Variants in PTPN23 observed in about 807,000 individuals in gnomAD.
PTPN23 encodes protein tyrosine phosphatase non-receptor type 23.
A neutral mutation model predicts 156.3 loss-of-function variants in PTPN23; 72 were observed. The ratio of observed to expected loss-of-function variants is 0.46; its 90% confidence interval spans 0.38 to 0.56. The LOEUF (loss-of-function observed/expected upper bound fraction) is 0.56. Ranked by LOEUF, PTPN23 falls within the 20% of genes least tolerant of loss-of-function variation. The pLI is 0.00. For missense variants in PTPN23, 1,974 were observed against 2,171.5 expected (o/e 0.91, Z 1.81); for synonymous variants, 957 against 899.6 (o/e 1.06, Z -1.14).
chr3:47,408,833 TGGA>T lies in PTPN23; in HGVS notation c.1395_1397del (p.Glu465del). On this transcript the variant is annotated inframe_deletion, in exon 16 of 25. Coordinates refer to ENST00000265562, the MANE Select transcript of PTPN23 (RefSeq NM_015466.4). ...TCCCTGAAGGACATCAGAGATCTGT[TGGA>T]GGAGGATGAGCTGCTAGAGCAGAAG... is the stretch of plus-strand genomic sequence containing the variant. The T allele has an allele frequency of 6.2e-7, 1 of 1,613,718 alleles. No individual in the cohort carries two copies. The highest frequency in any genetic ancestry group is 8.5e-7 in the Non-Finnish European group (1 of 1,179,746).
chr3:47,393,939 G>A (rs1357277829), intron 1 of PTPN23, among the ~76,000 whole-genome samples: 1 of 150,290 alleles, frequency 6.7e-6, no homozygotes, highest in Non-Finnish European at 1.5e-5. Flanking sequence ...GTAGAGATAG[G>A]GTCTCATGTT....
At chr3:47,390,182 C>A (rs1167552363) in intron 1 of PTPN23, among the ~76,000 whole-genome samples, 1 of 152,112 alleles carries the variant, frequency 6.6e-6, no homozygotes, top group Non-Finnish European at 1.5e-5. Context: ...CTTCATTGAG[C>A]TATGATAGTA....
Position 47,406,275 on chromosome 3 carries a change from A to G in PTPN23, c.547-50A>G. ...CTGGGGAAGGATAAAGGGAAGGGGA[A>G]GCGGGAGGCCTTGGGTGAGCGAGGG... On this transcript the variant is annotated intron_variant, in intron 6 of 24. Coordinates refer to ENST00000265562, the MANE Select transcript of PTPN23 (RefSeq NM_015466.4). The surrounding 1 kb of genome is among the most constrained non-coding windows in gnomAD (Gnocchi z 5.8). 4 of 1,598,898 alleles carry G rather than the reference A, an allele frequency of 2.5e-6. No individual in the cohort carries two copies. The highest frequency in any genetic ancestry group is 3.4e-6 in the Non-Finnish European group (4 of 1,168,844).
rs1246783300 is a variant in PTPN23, at chr3:47,381,196, A to G, written c.84+16A>G. The G allele has an allele frequency of 5.1e-6, 8 of 1,570,112 alleles. No individual in the cohort carries two copies. The highest frequency in any genetic ancestry group is 1.4e-5 in the African/African-American group (1 of 73,568). On this transcript the variant is annotated intron_variant, in intron 1 of 24. Transcript: ENST00000265562. ...TGTGAAGAAGGTGAGCTTGCCTTCC[A>G]TCTTCCCCCCTATCCGCCGCGTATC...
intron 1 of PTPN23, 142 bp downstream of exon 1, chr3:47,381,322 C>T (rs1187002939): frequency 6.5e-6 from 8 of 1,221,918 alleles, no homozygotes; most frequent in Admixed American, 2.3e-5. Context: ...CGCCGGTTTT[C>T]CTCAGCCTGT....
chr3:47,409,473 GA>G lies in PTPN23; in HGVS notation c.1856del (p.Asn619ThrfsTer12). On this transcript the variant is annotated frameshift_variant, in exon 18 of 25. Coordinates refer to ENST00000265562, the MANE Select transcript of PTPN23 (RefSeq NM_015466.4). LOFTEE classifies it high-confidence loss of function. ...ACCAGCTGAAGGTGTACCTGGAGCA[GA>G]ACCTGGCCGCCCAGGACCGTGTCCT... Reference protein sequence around the residue: ...YDQLKVYLEQNLAAQDRVLCA... With the variant: ...YDQLKVYLEQXLAAQDRVLCA... 6.2e-7 allele frequency: 1 copy of G among 1,614,186 alleles called. No homozygotes were observed. The highest frequency in any genetic ancestry group is 8.5e-7 in the Non-Finnish European group (1 of 1,180,028).
intron 2 of PTPN23, among the ~76,000 whole-genome samples, chr3:47,401,761 T>C (rs1476664335): frequency 6.6e-6 from 1 of 152,196 alleles, no homozygotes; most frequent in Non-Finnish European, 1.5e-5. Context: ...AGCTGTGACA[T>C]GCCTTATCCT....
rs199854875 is a variant in PTPN23, at chr3:47,410,856, C to T, written c.3058C>T (p.Pro1020Ser). Reference protein sequence around the residue: ...PPPPLHTQLYPGPAQDPLPAH... With the variant: ...PPPPLHTQLYSGPAQDPLPAH... ...ACCCCCCCTACACACCCAGCTCTAC[C>T]CAGGTCCCGCTCAAGACCCTCTGCC... is the stretch of plus-strand genomic sequence containing the variant. Residue 1020 changes from proline (P) to serine (S), a missense_variant, in exon 20 of 25, where the codon CCA becomes TCA. Coordinates refer to ENST00000265562, the MANE Select transcript of PTPN23 (RefSeq NM_015466.4). The T allele has an allele frequency of 4.8e-5, 77 of 1,609,216 alleles. No homozygotes were observed. The highest frequency in any genetic ancestry group is 3.3e-4 in the Middle Eastern group (2 of 6,082).
intron 1 of PTPN23, among the ~76,000 whole-genome samples, chr3:47,386,290 C>T (rs1443948723): frequency 3.3e-5 from 5 of 152,068 alleles, no homozygotes; most frequent in East Asian, 3.9e-4. Context: ...CTCAGCCTCC[C>T]GAGTAGCTGG....
intron 2 of PTPN23, among the ~76,000 whole-genome samples, chr3:47,397,330 C>T (rs1704899861): frequency 6.6e-6 from 1 of 152,166 alleles, no homozygotes; most frequent in African/African-American, 2.4e-5. Context: ...GCAGAATTGT[C>T]ACAAACCTTC....
At chr3:47,408,741 G>A (rs1442179455) in intron 15 of PTPN23, 35 bp from the exon 16 acceptor site, 4 of 1,553,080 alleles carry the variant, frequency 2.6e-6, no homozygotes, top group South Asian at 2.5e-5. Flanking sequence ...CGGTCAGCCT[G>A]CCTCAGGGGC....
At chr3:47,395,079 C>T (rs1369532419) in intron 1 of PTPN23, among the ~76,000 whole-genome samples, 1 of 152,206 alleles carries the variant, frequency 6.6e-6, no homozygotes, top group African/African-American at 2.4e-5. Flanking sequence ...TCTCCCTTTG[C>T]TCACCAGGCA....
chr3:47,400,702 TA>T (rs1367611642), intron 2 of PTPN23, among the ~76,000 whole-genome samples: 1 of 151,828 alleles, frequency 6.6e-6, no homozygotes, highest in Non-Finnish European at 1.5e-5. Flanking sequence ...GCCTCCCGAG[TA>T]GCTGGGATTA....
rs200808850 is a variant in PTPN23, at chr3:47,409,025, G to A, written c.1580G>A (p.Arg527His). 3.5e-4 allele frequency: 571 copies of A among 1,613,896 alleles called. No individual in the cohort carries two copies. The highest frequency in any genetic ancestry group is 4.6e-4 in the Non-Finnish European group (539 of 1,180,034). The change falls in exon 16 of 25, where the codon CGC (arginine) becomes CAC (histidine). Residue 527 changes from arginine to histidine, a missense_variant. Transcript: ENST00000265562. ...ATGAACCTGCACGTCGGCAACCTGC[G>A]CCTGCTCAGCGGGCCGCTTGACCAG... Reference protein sequence around the residue: ...RAMNLHVGNLRLLSGPLDQVR... With the variant: ...RAMNLHVGNLHLLSGPLDQVR...
chr3:47,410,391 C>T lies in PTPN23; in HGVS notation c.2593C>T (p.Pro865Ser). The change falls in exon 20 of 25, where the codon CCT becomes TCT. Residue 865 changes from proline to serine, a missense_variant. By Grantham distance (74) the Pro-to-Ser change is moderately conservative. Around this residue, in one of 4 missense-constraint regions of PTPN23, gnomAD observed 731 missense variants for 669.1 expected, o/e 1.09. Transcript: ENST00000265562. ...AGTTGCAGGTCTCCCCTCGGCCCCA[C>T]CTCCTCAATTCTCAGGCCCCGAGTT... is the stretch of plus-strand genomic sequence containing the variant. Reference protein sequence around the residue: ...PPVAGLPSAPPPQFSGPELAM... With the variant: ...PPVAGLPSAPSPQFSGPELAM... 11 of 1,611,824 alleles carry T rather than the reference C, an allele frequency of 6.8e-6. No homozygotes were observed. Among genetic ancestry groups the T allele is most frequent in the Non-Finnish European group, 7.6e-6 (9 of 1,179,254 alleles).
intron 2 of PTPN23, among the ~76,000 whole-genome samples, chr3:47,403,861 T>C (rs1429640603): frequency 6.6e-6 from 1 of 152,194 alleles, no homozygotes; most frequent in Non-Finnish European, 1.5e-5. Context: ...GTAATAATGC[T>C]GTGATGAATA....
chr3:47,394,457 G>A (rs1704838805), intron 1 of PTPN23, among the ~76,000 whole-genome samples: 1 of 152,200 alleles, frequency 6.6e-6, no homozygotes, highest in Non-Finnish European at 1.5e-5. Flanking sequence ...CTATTGGCTG[G>A]TTGTCCCTGG....
rs1705371008 is a variant in PTPN23 at position 47,413,125 on chromosome 3, C to T, written c.4851C>T (p.Thr1617=). 1.2e-6 allele frequency: 2 copies of T among 1,612,832 alleles called. No homozygotes were observed. Among genetic ancestry groups the T allele is most frequent in the African/African-American group, 1.3e-5 (1 of 75,068 alleles). ...QAHNGQGLRA[T]RPSDDPLSLL... ...ATAACGGGCAAGGGCTGCGGGCCAC[C>T]CGGCCCTCTGACGACCCCCTCAGCC... Residue 1617 remains threonine, a synonymous_variant, in exon 25 of 25, where the codon ACC becomes ACT. Transcript: ENST00000265562.
chr3:47,411,152 C>A lies in PTPN23; in HGVS notation c.3354C>A (p.Asp1118Glu). The change falls in exon 20 of 25, where the codon GAC becomes GAA. Residue 1118 changes from aspartate (D) to glutamate (E), a missense_variant. By Grantham distance (45) the Asp-to-Glu change is conservative. Around this residue, in one of 4 missense-constraint regions of PTPN23, gnomAD observed 731 missense variants for 669.1 expected, o/e 1.09. Transcript: ENST00000265562. This position sits in a 1 kb window ranked among gnomAD's most constrained non-coding sequence, Gnocchi z 6.3. ...TGCGCCGAGGCGCCGCAGCTGCAGA[C>A]CTGCTCTCCTCCAGCCCGGAGAGCC... ...PCLRRGAAAA[D>E]LLSSSPESQH... 6.2e-7 allele frequency: 1 copy of A among 1,601,942 alleles called. No homozygotes were observed. The highest frequency in any genetic ancestry group is 8.5e-7 in the Non-Finnish European group (1 of 1,175,880).
Sources: allele counts gnomAD v4.1 joint callset (sites outside exome capture counted in the v4.1 genomes callset), GRCh38; gene constraint gnomAD v4.1.1; regional missense constraint gnomAD v4.1.1; non-coding constraint Gnocchi (gnomAD v3.1); transcripts MANE v1.5; gene names NCBI Gene and HGNC (gene_info 2026-07-23, HGNC 2026-07-21).